Variants in NCAM2 observed in about 807,000 individuals in gnomAD.
The protein encoded by NCAM2 is neural cell adhesion molecule 2.
Under a neutral mutation model 98.1 loss-of-function variants are expected in NCAM2, and 30 were observed. The ratio of observed to expected loss-of-function variants is 0.31; its 90% CI spans 0.23 to 0.41. The LOEUF (loss-of-function observed/expected upper bound fraction) is 0.41. Among genes scored for constraint, NCAM2 ranks in the 10% least tolerant of loss-of-function variants. NCAM2 has a pLI of 1.00. For missense variants in NCAM2, 867 were observed against 1,005.8 expected (o/e 0.86, Z 1.87); for synonymous variants, 368 against 342.4 (o/e 1.07, Z -0.83).
intron 12 of NCAM2, among the ~76,000 whole-genome samples, chr21:21,435,895 A>G (rs1464659165): frequency 1.3e-5 from 2 of 152,104 alleles, no homozygotes; most frequent in East Asian, 3.9e-4. Flanking sequence ...TGTAGACTCC[A>G]TATTTGTATA....
At position 21,214,955 on chromosome 21, in the gene NCAM2, A is replaced by G. The variant is rs184501193; in HGVS notation, c.56-65623A>G. 2.9e-4 allele frequency among the ~76,000 whole-genome samples: 44 copies of G among 151,988 alleles called. 1 individual carries two copies. Among genetic ancestry groups the G allele is most frequent in the Admixed American group, 2.0e-3 (30 of 15,242 alleles). On this transcript the variant is annotated intron_variant, in intron 1 of 17. Transcript: ENST00000400546. ...GATATAATTAATTTTAGCTTAAAGT[A>G]GTACTGAAAGAAACTCTTGGCAAGT...
At chr21:21,324,177 A>T (rs1029640730) in intron 5 of NCAM2, among the ~76,000 whole-genome samples, 1 of 152,192 alleles carries the variant, frequency 6.6e-6, no homozygotes, top group African/African-American at 2.4e-5. Context: ...CATGTACCCT[A>T]GAACTTAAAG....
intron 1 of NCAM2, among the ~76,000 whole-genome samples, chr21:21,205,256 A>G (rs1453176877): frequency 1.9e-4 from 29 of 152,146 alleles, no homozygotes; most frequent in Non-Finnish European, 7.4e-5. Flanking sequence ...TTTCATCACA[A>G]TTTTCTCATA....
rs1395367903 is a variant in NCAM2 at position 21,541,679 on chromosome 21, T to C, written c.*3722T>C. On this transcript the variant is annotated 3_prime_UTR_variant, in exon 18 of 18. Coordinates refer to ENST00000400546, the MANE Select transcript of NCAM2 (RefSeq NM_004540.5). ...AATAAGATTATCACTGACGAAAATATGTACAGTTCAAGAAGTAGAAATAAT... is the reference window on the plus strand; with the variant it reads ...AATAAGATTATCACTGACGAAAATACGTACAGTTCAAGAAGTAGAAATAAT... 2.6e-5 allele frequency: 4 copies of C among 151,818 alleles called. No homozygotes were observed. Among genetic ancestry groups the C allele is most frequent in the East Asian group, 3.9e-4 (2 of 5,172 alleles). 9.4% of individuals were successfully genotyped at this position (151,818 alleles called of 1,614,324 possible). A position where few individuals can be genotyped will look rare whatever the true frequency, so the allele number is the denominator to read the frequency against.
intron 12 of NCAM2, among the ~76,000 whole-genome samples, chr21:21,463,253 G>C (rs1474969272): frequency 6.6e-6 from 1 of 152,054 alleles, no homozygotes; most frequent in African/African-American, 2.4e-5. Flanking sequence ...TCAAATTACA[G>C]ATCCAGGCTT....
chr21:21,014,955 G>A (rs1019853098), intron 1 of NCAM2, among the ~76,000 whole-genome samples: 2 of 152,084 alleles, frequency 1.3e-5, no homozygotes, highest in African/African-American at 2.4e-5. Flanking sequence ...TCAAGACTTC[G>A]GCAGAAGTAG....
chr21:21,341,853 A>G (rs755621887), intron 8 of NCAM2, among the ~76,000 whole-genome samples: 1 of 152,160 alleles, frequency 6.6e-6, no homozygotes, highest in Non-Finnish European at 1.5e-5. Context: ...CACAGTCCCA[A>G]GTAGCATGAG....
At chr21:21,058,224 T>C (rs1331575689) in intron 1 of NCAM2, among the ~76,000 whole-genome samples, 1 of 29,418 alleles carries the variant, frequency 3.4e-5, no homozygotes, top group African/African-American at 6.0e-5. Context: ...AAAAACAAGA[T>C]ATAAAACAGC....
At chr21:21,255,755 A>G (rs1259482652) in intron 1 of NCAM2, among the ~76,000 whole-genome samples, 1 of 152,128 alleles carries the variant, frequency 6.6e-6, no homozygotes, top group African/African-American at 2.4e-5. Flanking sequence ...ACATGGCCCA[A>G]CTTAGTTGGT....
At chr21:21,126,880 G>A (rs1004305578) in intron 1 of NCAM2, among the ~76,000 whole-genome samples, 2 of 151,864 alleles carry the variant, frequency 1.3e-5, no homozygotes, top group African/African-American at 4.8e-5. Flanking sequence ...GTTAAAAAAC[G>A]TTGATGCTAA....
chr21:21,183,580 G>A (rs2146925184), intron 1 of NCAM2, among the ~76,000 whole-genome samples: 1 of 152,278 alleles, frequency 6.6e-6, no homozygotes. Context: ...GGCCATGGCA[G>A]TACTTGGCAA....
At chr21:21,065,401 G>C (rs1471255606) in intron 1 of NCAM2, among the ~76,000 whole-genome samples, 4 of 151,746 alleles carry the variant, frequency 2.6e-5, no homozygotes, top group African/African-American at 9.7e-5. Flanking sequence ...TCTGATCTGT[G>C]GACAACAAAA....
At chr21:21,506,646 A>G (rs1030204557) in intron 15 of NCAM2, among the ~76,000 whole-genome samples, 1 of 152,112 alleles carries the variant, frequency 6.6e-6, no homozygotes, top group African/African-American at 2.4e-5. Context: ...AGAAAATACT[A>G]TTCTTTCTCT....
rs1248129646 is a variant in NCAM2, at chr21:21,045,671, A to G, written c.55+47053A>G. Reference sequence around the variant, plus strand: ...TCTCAGAAAAGAAAAAAAAGGAACCAGATGTTAGTGGAGCACATGAGTCAA... The same window carrying G: ...TCTCAGAAAAGAAAAAAAAGGAACCGGATGTTAGTGGAGCACATGAGTCAA... On this transcript the variant is annotated intron_variant, in intron 1 of 17. Coordinates refer to ENST00000400546, the MANE Select transcript of NCAM2 (RefSeq NM_004540.5). 3.3e-5 allele frequency among the ~76,000 whole-genome samples: 5 copies of G among 152,148 alleles called. No individual in the cohort carries two copies. In the East Asian group the frequency reaches 9.6e-4, roughly 29 times the overall value.
chr21:21,400,654 T>C (rs567952823), intron 9 of NCAM2, among the ~76,000 whole-genome samples: 44 of 151,864 alleles, frequency 2.9e-4, no homozygotes, highest in African/African-American at 1.0e-3. Flanking sequence ...GATGCAATCT[T>C]GGCTCACTGC....
At chr21:21,217,314 A>G (rs1902735445) in intron 1 of NCAM2, among the ~76,000 whole-genome samples, 2 of 152,178 alleles carry the variant, frequency 1.3e-5, no homozygotes, top group Non-Finnish European at 2.9e-5. Flanking sequence ...ACCCCAGAGC[A>G]CGAAGTCCAA....
chr21:21,244,872 C>T (rs1355874881), intron 1 of NCAM2, among the ~76,000 whole-genome samples: 1 of 140,296 alleles, frequency 7.1e-6, no homozygotes, highest in African/African-American at 2.6e-5. Context: ...AAAGGACATA[C>T]GGTATTACAG....
intron 1 of NCAM2, among the ~76,000 whole-genome samples, chr21:21,240,470 G>C (rs1437430699): frequency 6.6e-6 from 1 of 151,970 alleles, no homozygotes; most frequent in Non-Finnish European, 1.5e-5. Context: ...CCAGCCAAAG[G>C]GAAGGCTACG....
intron 16 of NCAM2, among the ~76,000 whole-genome samples, chr21:21,517,095 C>T (rs1224624643): frequency 1.3e-5 from 2 of 152,032 alleles, no homozygotes; most frequent in Non-Finnish European, 2.9e-5. Flanking sequence ...GTGATTACTC[C>T]CAAATTATTT....
Sources: gnomAD v4.1 joint callset for allele counts (sites outside exome capture counted in the v4.1 genomes callset) on GRCh38, gnomAD v4.1.1 for gene constraint, MANE v1.5 for transcripts, NCBI Gene and HGNC (gene_info 2026-07-23, HGNC 2026-07-21) for gene names.